CDCA7L: variants seen among roughly 807,000 people sequenced by gnomAD.
The protein encoded by CDCA7L is cell division cycle associated 7 like, also known as cell division cycle-associated 7-like protein.
In CDCA7L, 44 loss-of-function variants were observed where a neutral mutation model predicts 57.4. The observed-to-expected ratio is 0.77, with a 90% CI of 0.60 to 0.98. The LOEUF is 0.98. CDCA7L is among the 50% of genes least tolerant of loss of function. The pLI is 0.00. For synonymous variants in CDCA7L, 236 were observed against 202.8 expected (o/e 1.16, Z -1.39); for missense variants, 644 against 580.6 (o/e 1.11, Z -1.12).
intron 8 of CDCA7L, chr7:21,903,705 G>A (rs1785026752): frequency 1.6e-5 from 2 of 128,838 alleles, no homozygotes; most frequent in Admixed American, 7.5e-5. Context: ...TGGTAACAGA[G>A]TGAGCGACAG....
At chr7:21,915,648 A>AC (rs1319126735) in intron 2 of CDCA7L, among the ~76,000 whole-genome samples, 1 of 117,226 alleles carries the variant, frequency 8.5e-6, no homozygotes, top group Admixed American at 1.0e-4. Context: ...AAAAAAAAAA[A>AC]AAAAAAAAAA....
chr7:21,904,187 C>T lies in CDCA7L; in HGVS notation c.1120G>A (p.Gly374Ser). The stretch of plus-strand genomic sequence containing the variant: ...GGTCCACAGAACTGTCCTCGCACAC[C>T]ACAGCAACCCTGGTTCCGACACACT... The part of the protein sequence containing the change: ...KTVCRNQGCC[G>S]VRGQFCGPCL... The change falls in exon 8 of 10, where the codon GGT (glycine) becomes AGT (serine). Residue 374 changes from glycine to serine, a missense_variant. Coordinates refer to ENST00000406877, the MANE Select transcript of CDCA7L (RefSeq NM_018719.5). 6.2e-7 allele frequency: 1 copy of T among 1,613,854 alleles called. No individual in the cohort carries two copies. Among genetic ancestry groups the T allele is most frequent in the Non-Finnish European group, 8.5e-7 (1 of 1,179,872 alleles).
chr7:21,937,530 C>A (rs1004251540), intron 1 of CDCA7L, among the ~76,000 whole-genome samples: 1 of 151,428 alleles, frequency 6.6e-6, no homozygotes, highest in Admixed American at 6.6e-5. Flanking sequence ...CCCGGCTACT[C>A]GGGAGGCTGA....
chr7:21,937,723 A>G (rs1317976249), intron 1 of CDCA7L, among the ~76,000 whole-genome samples: 1 of 152,234 alleles, frequency 6.6e-6, no homozygotes, highest in East Asian at 1.9e-4. Flanking sequence ...ATAGTAATCA[A>G]AACAGTGTGG....
intron 1 of CDCA7L, among the ~76,000 whole-genome samples, chr7:21,917,946 G>A (rs1468544581): frequency 6.6e-6 from 1 of 151,558 alleles, no homozygotes; most frequent in Non-Finnish European, 1.5e-5. Flanking sequence ...ATCTGCAACT[G>A]TTCTATTTGA....
At chr7:21,937,691 C>A (rs1786216354) in intron 1 of CDCA7L, among the ~76,000 whole-genome samples, 2 of 151,244 alleles carry the variant, frequency 1.3e-5, no homozygotes, top group Non-Finnish European at 2.9e-5. Flanking sequence ...CATTTCCTGA[C>A]TTCAATACTT....
rs911052728 is a variant in CDCA7L, at chr7:21,940,401, A to G, written c.24+5380T>C. 2.3e-5 allele frequency: 13 copies of G among 573,456 alleles called. No individual in the cohort carries two copies. In the African/African-American group the frequency reaches 2.6e-4, roughly 12 times the overall value. The allele number at this position is 573,456 out of a possible 1,614,324, so 35.5% of individuals were successfully genotyped here. On this transcript the variant is annotated intron_variant, in intron 1 of 9. Coordinates refer to ENST00000406877, the MANE Select transcript of CDCA7L (RefSeq NM_018719.5). ...CTTTGCCCTTCCATCCATTCAATGGATATTTATTAGGCATCTAATACATGC... is the reference window on the plus strand; with the variant it reads ...CTTTGCCCTTCCATCCATTCAATGGGTATTTATTAGGCATCTAATACATGC...
At chr7:21,907,754 C>A (rs1276171886) in intron 4 of CDCA7L, among the ~76,000 whole-genome samples, 1 of 152,188 alleles carries the variant, frequency 6.6e-6, no homozygotes, top group Non-Finnish European at 1.5e-5. Context: ...CTCCTTGCAA[C>A]TTCTCAGTGG....
At chr7:21,924,966 A>G (rs1273810885) in intron 1 of CDCA7L, among the ~76,000 whole-genome samples, 4 of 152,214 alleles carry the variant, frequency 2.6e-5, no homozygotes, top group African/African-American at 9.6e-5. Flanking sequence ...TAACACACAC[A>G]TGCATCTGAC....
chr7:21,902,192 AAATAGTAATTTCTAC>A lies in CDCA7L; in HGVS notation c.*115_*129del. 1 of 911,890 alleles carries A rather than the reference AAATAGTAATTTCTAC, an allele frequency of 1.1e-6. No homozygotes were observed. Among genetic ancestry groups the A allele is most frequent in the South Asian group, 1.4e-5 (1 of 71,152 alleles). 56.5% of individuals were successfully genotyped at this position (911,890 alleles called of 1,614,324 possible). A position where few individuals can be genotyped will look rare whatever the true frequency, so the allele number is the denominator to read the frequency against. ...AAGCATATAAACAATCTTTAACAAA[AAATAGTAATTTCTAC>A]AAAGAATTTCTGTATAAAAACACAA... On this transcript the variant is annotated 3_prime_UTR_variant, in exon 10 of 10. Transcript: ENST00000406877.
intron 1 of CDCA7L, among the ~76,000 whole-genome samples, chr7:21,923,680 T>C (rs1028025526): frequency 6.6e-6 from 1 of 152,164 alleles, no homozygotes; most frequent in Non-Finnish European, 1.5e-5. Flanking sequence ...AGATACATCA[T>C]TGTAGGTGCC....
Position 21,933,937 on chromosome 7 carries a change from TA to T in CDCA7L, c.24+11843del, listed in dbSNP as rs777502255. On this transcript the variant is annotated intron_variant, in intron 1 of 9. Transcript: ENST00000406877. Reference sequence around the variant, plus strand: ...ATCAAACAAGAATTCTCCATCTGGTTAAAAAAAAAAAACTGCCCTTCAAAAA... The same window carrying T: ...ATCAAACAAGAATTCTCCATCTGGTTAAAAAAAAAAACTGCCCTTCAAAAA... Among the ~76,000 whole-genome samples, 1,200 of 143,312 alleles carry T rather than the reference TA, an allele frequency of 8.4e-3. 9 individuals carry two copies. Among genetic ancestry groups the T allele is most frequent in the Non-Finnish European group, 0.012 (761 of 64,976 alleles). The allele number at this position is 143,312 out of a possible 152,430, so 94.0% of individuals were successfully genotyped here.
intron 1 of CDCA7L, among the ~76,000 whole-genome samples, chr7:21,943,359 G>C (rs1458822568): frequency 6.6e-6 from 1 of 152,236 alleles, no homozygotes; most frequent in Non-Finnish European, 1.5e-5. Flanking sequence ...CTGCTTTGCT[G>C]AAACACTTAG....
intron 2 of CDCA7L, 64 bp downstream of exon 2, chr7:21,916,690 G>C: frequency 1.3e-6 from 2 of 1,489,552 alleles, no homozygotes; most frequent in Non-Finnish European, 1.9e-6. Flanking sequence ...TCAAATAAAA[G>C]AACATCCAAA....
chr7:21,928,679 C>T (rs1316694226), intron 1 of CDCA7L, among the ~76,000 whole-genome samples: 2 of 151,036 alleles, frequency 1.3e-5, no homozygotes, highest in Non-Finnish European at 2.9e-5. Context: ...ATAGCCAAAT[C>T]GATCAAGCAG....
intron 1 of CDCA7L, chr7:21,944,906 G>A (rs953491932): frequency 4.0e-5 from 6 of 150,858 alleles, no homozygotes; most frequent in Non-Finnish European, 8.8e-5. Flanking sequence ...CTCGCACAAA[G>A]CATCTCCGTG....
At chr7:21,945,720 G>A (rs3823667) in intron 1 of CDCA7L, 61 bp downstream of exon 1, 234,013 of 1,591,752 alleles carry the variant, frequency 0.15, 18,771 homozygotes, top group East Asian at 0.3. Flanking sequence ...GCAGGACCGG[G>A]TGGCAAAGGG....
chr7:21,908,986 C>T (rs971097020), intron 3 of CDCA7L, among the ~76,000 whole-genome samples: 1 of 152,180 alleles, frequency 6.6e-6, no homozygotes. Flanking sequence ...GACTGCACCT[C>T]AGGGCAGTGA....
intron 4 of CDCA7L, among the ~76,000 whole-genome samples, chr7:21,907,325 C>T (rs967025229): frequency 1.3e-4 from 20 of 151,808 alleles, no homozygotes; most frequent in African/African-American, 2.2e-4. Flanking sequence ...AAAAATAATC[C>T]GAAAGTAGGC....
Sources: allele counts gnomAD v4.1 joint callset (sites outside exome capture counted in the v4.1 genomes callset), GRCh38; gene constraint gnomAD v4.1.1; transcripts MANE v1.5; gene names NCBI Gene and HGNC (gene_info 2026-07-23, HGNC 2026-07-21).